SIMC1: variants seen among roughly 807,000 people sequenced by gnomAD.
SIMC1 encodes the protein SUMO interacting motifs containing 1.
Under a neutral mutation model 82.3 loss-of-function variants are expected in SIMC1, and 55 were observed. The ratio of observed to expected loss-of-function variants is 0.67; its 90% CI spans 0.54 to 0.84. SIMC1 has a LOEUF of 0.84. Among genes scored for constraint, SIMC1 ranks in the 40% least tolerant of loss-of-function variants. The probability of loss-of-function intolerance (pLI) is 0.00; values close to 1 mark genes in which losing one functional copy is unlikely to be tolerated. For missense variants in SIMC1, 915 were observed against 1,107.2 expected, an observed-to-expected ratio of 0.83 and a Z score of 2.46; for synonymous variants, 353 against 426.3, an observed-to-expected ratio of 0.83 and a Z score of 2.12.
intron 7 of SIMC1, 124 bp downstream of exon 7, chr5:176,324,881 G>A: frequency 1.7e-6 from 2 of 1,166,172 alleles, no homozygotes; most frequent in South Asian, 3.5e-5. Context: ...AATTTTACAA[G>A]AGAAAATTCC....
intron 1 of SIMC1, among the ~76,000 whole-genome samples, chr5:176,250,034 C>T (rs767733887): frequency 2.6e-5 from 4 of 151,824 alleles, no homozygotes; most frequent in Admixed American, 6.6e-5. Context: ...TAGATCTTTC[C>T]GGCTTTTTCC....
At chr5:176,279,258 C>A (rs13160463) in intron 1 of SIMC1, among the ~76,000 whole-genome samples, 88,364 of 151,548 alleles carry the variant, frequency 0.58, 25,822 homozygotes, top group Middle Eastern at 0.63. Flanking sequence ...GTAGTATTCT[C>A]TGATGGTTCT....
At chr5:176,340,318 C>T (rs1766082654) in intron 9 of SIMC1, among the ~76,000 whole-genome samples, 1 of 152,188 alleles carries the variant, frequency 6.6e-6, no homozygotes, top group South Asian at 2.1e-4. Flanking sequence ...ATCCCCCCCA[C>T]CCCAGTTGCA....
Position 176,289,811 on chromosome 5 carries a change from G to A in SIMC1, c.287G>A (p.Ser96Asn), listed in dbSNP as rs1355398014. ...PVTPSQKEPT[S>N]LQTCASLSGK... ...ACTCCTTCCCAGAAGGAGCCAACCA[G>A]TCTTCAGACATGTGCCAGCCTCTCT... Residue 96 changes from serine (S) to asparagine (N), a missense_variant, in exon 2 of 10, where the codon AGT becomes AAT. Coordinates refer to ENST00000429602, the MANE Select transcript of SIMC1 (RefSeq NM_001308195.2). 24 of 1,613,958 alleles carry A rather than the reference G, an allele frequency of 1.5e-5. No individual in the cohort carries two copies. The highest frequency in any genetic ancestry group is 2.0e-5 in the Non-Finnish European group (24 of 1,179,890).
intron 2 of SIMC1, among the ~76,000 whole-genome samples, chr5:176,292,680 GTT>G: frequency 6.6e-6 from 1 of 152,076 alleles, no homozygotes; most frequent in Non-Finnish European, 1.5e-5. Flanking sequence ...GCGTAGCTGG[GTT>G]ACAGGTGCCC....
intron 1 of SIMC1, among the ~76,000 whole-genome samples, chr5:176,247,085 T>G (rs1761476307): frequency 6.6e-6 from 1 of 152,118 alleles, no homozygotes; most frequent in East Asian, 1.9e-4. Context: ...GCATGTGTCT[T>G]TATAGTAGAA....
At chr5:176,294,514 A>G (rs1269557720) in intron 2 of SIMC1, among the ~76,000 whole-genome samples, 1 of 150,864 alleles carries the variant, frequency 6.6e-6, no homozygotes, top group East Asian at 1.9e-4. Context: ...CCTGACCTCA[A>G]GCAGTTCTCC....
chr5:176,289,768 T>C lies in SIMC1; in HGVS notation c.244T>C (p.Leu82=). 6.2e-7 allele frequency: 1 copy of C among 1,613,900 alleles called. No individual in the cohort carries two copies. Among genetic ancestry groups the C allele is most frequent in the African/African-American group, 1.3e-5 (1 of 75,018 alleles). ...AAATAGACCTATTGCCACTCTTGAC[T>C]TAACTTTAGAACCTGTCACTCCTTC... is the stretch of plus-strand genomic sequence containing the variant. ...GENRPIATLD[L]TLEPVTPSQK... Residue 82 remains leucine, a synonymous_variant, in exon 2 of 10, where the codon TTA becomes CTA. Coordinates refer to ENST00000429602, the MANE Select transcript of SIMC1 (RefSeq NM_001308195.2).
chr5:176,317,827 G>A (rs1001832469), intron 5 of SIMC1, among the ~76,000 whole-genome samples: 6 of 152,116 alleles, frequency 3.9e-5, no homozygotes, highest in Non-Finnish European at 8.8e-5. Context: ...TGTTACCGGT[G>A]GAGGGTGTCT....
chr5:176,274,821 G>C (rs576543884), intron 1 of SIMC1, among the ~76,000 whole-genome samples: 1 of 151,514 alleles, frequency 6.6e-6, no homozygotes, highest in East Asian at 1.9e-4. Flanking sequence ...GTTGTAGATA[G>C]GCGGCATTAT....
rs375014908 is a variant in SIMC1, at chr5:176,283,436, C to T, written c.130-6218C>T. 3.0e-4 allele frequency among the ~76,000 whole-genome samples: 45 copies of T among 152,214 alleles called. No homozygotes were observed. In the East Asian group the frequency reaches 4.8e-3, roughly 16 times the overall value. On this transcript the variant is annotated intron_variant, in intron 1 of 9. Coordinates refer to ENST00000429602, the MANE Select transcript of SIMC1 (RefSeq NM_001308195.2). ...ATCCAGCCAAACGAAGCTTCATAAG[C>T]GAAGGAGAAATAAAATCCTTTACAG...
At chr5:176,297,732 A>G (rs181007960) in intron 4 of SIMC1, among the ~76,000 whole-genome samples, 36 of 152,290 alleles carry the variant, frequency 2.4e-4, no homozygotes, top group Non-Finnish European at 3.2e-4. Context: ...AAGTGTGAGG[A>G]TACAATTAAG....
chr5:176,282,738 C>A (rs1463436676), intron 1 of SIMC1, among the ~76,000 whole-genome samples: 2 of 152,032 alleles, frequency 1.3e-5, no homozygotes, highest in Non-Finnish European at 2.9e-5. Context: ...GCTAAAGGAG[C>A]ATGTTTGAAC....
chr5:176,281,306 A>G (rs1762995222), intron 1 of SIMC1, among the ~76,000 whole-genome samples: 1 of 151,986 alleles, frequency 6.6e-6, no homozygotes, highest in East Asian at 1.9e-4. Flanking sequence ...ACTTCTCTGT[A>G]TTGGTTATTC....
At chr5:176,243,620 C>T (rs1444769055) in intron 1 of SIMC1, among the ~76,000 whole-genome samples, 1 of 151,812 alleles carries the variant, frequency 6.6e-6, no homozygotes, top group Admixed American at 6.6e-5. Context: ...TTCCCAGGTT[C>T]AAGCAATTTC....
chr5:176,333,939 A>C (rs1275960887), intron 7 of SIMC1, among the ~76,000 whole-genome samples: 1 of 149,192 alleles, frequency 6.7e-6, no homozygotes, highest in Non-Finnish European at 1.5e-5. Context: ...TCTGCTGTTA[A>C]GTCTATTATT....
In SIMC1 at chr5:176,313,490, A is replaced by AT. The variant is rs374709500; in HGVS notation, c.1735-194dup. The AT allele has an allele frequency of 1.3e-5, 20 of 1,552,636 alleles. 1 individual carries two copies. The African/African-American group carries it at 1.6e-4, about 13-fold the overall frequency. On this transcript the variant is annotated intron_variant, in intron 4 of 9. Coordinates refer to ENST00000429602, the MANE Select transcript of SIMC1 (RefSeq NM_001308195.2). ...GGTTTCTGAAACCTTATAAGGTATG[A>AT]TTTTTTTCAGCAGTCACCCTATTTG...
intron 1 of SIMC1, 127 bp from the exon 2 acceptor site, chr5:176,289,527 A>G (rs1216934214): frequency 2.5e-5 from 18 of 714,346 alleles, no homozygotes; most frequent in Admixed American, 2.2e-4. Flanking sequence ...GTTACACAAG[A>G]TGTGTAACTT....
At chr5:176,339,495 T>A (rs906356415) in intron 9 of SIMC1, among the ~76,000 whole-genome samples, 5 of 152,234 alleles carry the variant, frequency 3.3e-5, no homozygotes, top group South Asian at 4.1e-4. Context: ...TTCCATGTGT[T>A]CTTACCCTCA....
Sources: gnomAD v4.1 joint callset for allele counts (sites outside exome capture counted in the v4.1 genomes callset) on GRCh38, gnomAD v4.1.1 for gene constraint, MANE v1.5 for transcripts, NCBI Gene and HGNC (gene_info 2026-07-23, HGNC 2026-07-21) for gene names.